The following SFTPD variants were observed in gnomAD, a reference collection of about 807,000 sequenced individuals.
SFTPD encodes the protein pulmonary surfactant-associated protein D.
A neutral mutation model predicts 34.6 loss-of-function variants in SFTPD; 18 were observed. That is an observed-to-expected ratio of 0.52 (90% confidence interval 0.36 to 0.77). SFTPD has a LOEUF of 0.77. Ranked by LOEUF, SFTPD falls within the 30% of genes least tolerant of loss-of-function variation. SFTPD has a pLI of 0.00. For missense variants in SFTPD, 433 were observed against 468.9 expected (o/e 0.92, Z 0.71); for synonymous variants, 155 against 180.9 (o/e 0.86, Z 1.15).
chr10:79,938,148 G>C lies in SFTPD; in HGVS notation c.832C>G (p.Gln278Glu). The change falls in exon 8 of 8, where the codon CAG becomes GAG. Residue 278 changes from glutamine to glutamate, a missense_variant. Gln to Glu is a conservative substitution (Grantham distance 29). Coordinates refer to ENST00000372292, the MANE Select transcript of SFTPD (RefSeq NM_003019.5). ...AGFVKPFTEA[Q>E]LLCTQAGGQL... ...CCACCAGCCTGTGTGCACAGCAGCT[G>C]TGCCTCCGTAAATGGTTTTACAAAG... is the stretch of plus-strand genomic sequence containing the variant. 1.2e-6 allele frequency: 2 copies of C among 1,612,538 alleles called. No homozygotes were observed. Among genetic ancestry groups the C allele is most frequent in the Non-Finnish European group, 1.7e-6 (2 of 1,178,640 alleles).
intron 1 of SFTPD, among the ~76,000 whole-genome samples, chr10:79,965,554 A>AT (rs1842799138): frequency 8.1e-5 from 5 of 61,648 alleles, no homozygotes; most frequent in Non-Finnish European, 1.5e-4. Flanking sequence ...TTTTTTTTTA[A>AT]TTTTTTATTT....
intron 1 of SFTPD, chr10:79,981,830 G>T: frequency 4.8e-6 from 1 of 210,374 alleles, no homozygotes; most frequent in Non-Finnish European, 9.5e-6. Flanking sequence ...CAGACCGGCA[G>T]TGGCCTTCAT....
rs1168042220 is a variant in SFTPD at position 79,946,461 on chromosome 10, C to G, written c.199G>C (p.Gly67Arg). The stretch of plus-strand genomic sequence containing the variant: ...GGATAAGCCCAGGGCCCCACCCTAC[C>G]TGGGTCCCCCTTCTCGCCCCGAGGG... ...EGPRGEKGDP[G>R]LPGAAGQAGM... The change falls in exon 2 of 8, where the codon GGT becomes CGT. Residue 67 changes from glycine (G) to arginine (R), a missense_variant and splice_region_variant. Physicochemically the swap from Gly to Arg is moderately radical, Grantham distance 125. Coordinates refer to ENST00000372292, the MANE Select transcript of SFTPD (RefSeq NM_003019.5). 2.5e-6 allele frequency: 4 copies of G among 1,612,424 alleles called. No individual in the cohort carries two copies. In the East Asian group the frequency reaches 6.7e-5, roughly 27 times the overall value.
In SFTPD at chr10:79,941,928, C is replaced by G. The variant is rs6413518; in HGVS notation, c.550+26G>C. The G allele has an allele frequency of 3.3e-3, 4,863 of 1,488,662 alleles. 16 individuals carry two copies. Among genetic ancestry groups the G allele is most frequent in the Non-Finnish European group, 4.1e-3 (4,417 of 1,068,056 alleles). The allele number at this position is 1,488,662 out of a possible 1,614,324, so 92.2% of individuals were successfully genotyped here. On this transcript the variant is annotated intron_variant, in intron 5 of 7. Coordinates refer to ENST00000372292, the MANE Select transcript of SFTPD (RefSeq NM_003019.5). ...CAGGCACAGGAGAACTGGACCCAGC[C>G]CAGCCCAGCTCTTTCCACTGCTCAC... is the stretch of plus-strand genomic sequence containing the variant.
At chr10:79,978,013 C>T (rs1303167208) in intron 1 of SFTPD, among the ~76,000 whole-genome samples, 1 of 152,212 alleles carries the variant, frequency 6.6e-6, no homozygotes, top group Non-Finnish European at 1.5e-5. Context: ...CACTCAAGAA[C>T]AGGTGAGCCT....
At chr10:79,967,358 G>A (rs1267467369) in intron 1 of SFTPD, among the ~76,000 whole-genome samples, 8 of 103,538 alleles carry the variant, frequency 7.7e-5, no homozygotes, top group African/African-American at 2.5e-4. Context: ...AATCAATATC[G>A]TGAAAATGGC....
rs1223252575 is a variant in SFTPD, at chr10:79,946,577, TG to T, written c.82del (p.His28ThrfsTer102). On this transcript the variant is annotated frameshift_variant, in exon 2 of 8. Coordinates refer to ENST00000372292, the MANE Select transcript of SFTPD (RefSeq NM_003019.5). LOFTEE classifies it high-confidence loss of function. ...YLEAEMKTYS[H>X]RTMPSACTLV... is the part of the protein sequence containing the mutation. Reference sequence around the variant, plus strand: ...GGTGCAAGCACTGGGCATTGTTCTGTGGGAGTAGGTCTTCATTTCTGCTTCC... The same window carrying T: ...GGTGCAAGCACTGGGCATTGTTCTGTGGAGTAGGTCTTCATTTCTGCTTCC... 1 of 1,614,130 alleles carries T rather than the reference TG, an allele frequency of 6.2e-7. No individual in the cohort carries two copies. Among genetic ancestry groups the T allele is most frequent in the Non-Finnish European group, 8.5e-7 (1 of 1,179,984 alleles).
chr10:79,977,834 TTTCA>T (rs1199459008), intron 1 of SFTPD, among the ~76,000 whole-genome samples: 3 of 143,600 alleles, frequency 2.1e-5, no homozygotes, highest in African/African-American at 5.2e-5. Context: ...CCTCTCTTTC[TTTCA>T]TTATCTTCAA....
intron 1 of SFTPD, among the ~76,000 whole-genome samples, chr10:79,963,340 G>A (rs565661181): frequency 5.3e-4 from 76 of 143,368 alleles, no homozygotes; most frequent in Admixed American, 1.0e-3. Flanking sequence ...GAGTGAGACC[G>A]TGTCTCTTAA....
intron 1 of SFTPD, chr10:79,982,362 C>T (rs978137226): frequency 5.1e-5 from 54 of 1,049,078 alleles, no homozygotes; most frequent in Non-Finnish European, 6.0e-5. Context: ...CTGGCAGCCC[C>T]GCGCAGCCGC....
intron 1 of SFTPD, among the ~76,000 whole-genome samples, chr10:79,948,495 T>A (rs1842687645): frequency 6.6e-6 from 1 of 152,170 alleles, no homozygotes; most frequent in Non-Finnish European, 1.5e-5. Context: ...CAGTGCCCAG[T>A]TTATGCTAAG....
At chr10:79,970,897 A>G (rs1842831221) in intron 1 of SFTPD, 1 of 152,182 alleles carries the variant, frequency 6.6e-6, no homozygotes, top group Non-Finnish European at 1.5e-5. Context: ...ATCATCCAAT[A>G]CTGGGTTGAA....
Position 79,946,661 on chromosome 10 carries a change from G to T in SFTPD, c.-2C>A, listed in dbSNP as rs770645935. 5 of 1,613,700 alleles carry T rather than the reference G, an allele frequency of 3.1e-6. No homozygotes were observed. Among genetic ancestry groups the T allele is most frequent in the Middle Eastern group, 1.7e-4 (1 of 6,060 alleles). On this transcript the variant is annotated splice_region_variant and 5_prime_UTR_variant, in exon 2 of 8. Coordinates refer to ENST00000372292, the MANE Select transcript of SFTPD (RefSeq NM_003019.5). The stretch of plus-strand genomic sequence containing the variant: ...TGCAGAGAGGAGGAAGAGCAGCATG[G>T]CCTGGAGAGGTGAACAGAAAGAGAA...
Position 79,942,019 on chromosome 10 carries a change from G to T in SFTPD, c.485C>A (p.Ala162Glu). Residue 162 changes from alanine to glutamate, a missense_variant, in exon 5 of 8, where the codon GCA (alanine) becomes GAA (glutamate). Physicochemically the swap from Ala to Glu is moderately radical, Grantham distance 107. Transcript: ENST00000372292. ...MQGSAGARGL[A>E]GPKGERGVPG... is the part of the protein sequence containing the mutation. ...GACACCTCGCTCTCCCTTAGGGCCT[G>T]CGAGGCCTCTTGCCCCTGCCGAGCC... 1.2e-6 allele frequency: 2 copies of T among 1,614,056 alleles called. No homozygotes were observed. The highest frequency in any genetic ancestry group is 1.7e-6 in the Non-Finnish European group (2 of 1,179,984).
intron 1 of SFTPD, among the ~76,000 whole-genome samples, chr10:79,961,033 C>T (rs1292516056): frequency 4.6e-5 from 7 of 152,176 alleles, no homozygotes; most frequent in African/African-American, 1.7e-4. Context: ...CTGACAAAAA[C>T]AAGCAATGGG....
upstream of SFTPD, among the ~76,000 whole-genome samples, chr10:79,951,408 A>G (rs186171015): frequency 1.8e-4 from 27 of 152,164 alleles, no homozygotes; most frequent in Non-Finnish European, 3.1e-4. Flanking sequence ...TTTGGCTTCA[A>G]TTTTGGGTGC....
chr10:79,940,615 T>C, intron 7 of SFTPD, 90 bp downstream of exon 7: 2 of 828,630 alleles, frequency 2.4e-6, no homozygotes, highest in Non-Finnish European at 4.1e-6. Flanking sequence ...CAGCCAAAGG[T>C]CTAGCCCCAG....
chr10:79,956,489 C>T (rs1842739607), intron 1 of SFTPD, among the ~76,000 whole-genome samples: 1 of 152,246 alleles, frequency 6.6e-6, no homozygotes, highest in Admixed American at 6.5e-5. Flanking sequence ...AAAAATGGCA[C>T]ACCAGGAGAT....
intron 2 of SFTPD, among the ~76,000 whole-genome samples, chr10:79,943,739 C>G (rs1842639048): frequency 6.6e-6 from 1 of 152,204 alleles, no homozygotes; most frequent in South Asian, 2.1e-4. Context: ...ATTCCGTGCC[C>G]TGGGTCCAGC....
Sources: allele counts gnomAD v4.1 joint callset (sites outside exome capture counted in the v4.1 genomes callset), GRCh38; gene constraint gnomAD v4.1.1; transcripts MANE v1.5; gene names NCBI Gene and HGNC (gene_info 2026-07-23, HGNC 2026-07-21).